The following PPP2R2B variants were observed in gnomAD, a reference collection of about 807,000 sequenced individuals.
PPP2R2B encodes protein phosphatase 2 regulatory subunit Bbeta, also known as serine/threonine-protein phosphatase 2A 55 kDa regulatory subunit B beta isoform.
Under a neutral mutation model 46.0 loss-of-function variants are expected in PPP2R2B, and 5 were observed. That is an observed-to-expected ratio of 0.11 (90% confidence interval 0.06 to 0.23). The LOEUF is 0.23. Ranked by LOEUF, PPP2R2B falls within the 10% of genes least tolerant of loss-of-function variation. The probability of loss-of-function intolerance (pLI) is 1.00; values close to 1 mark genes in which losing one functional copy is unlikely to be tolerated. For synonymous variants in PPP2R2B, 215 were observed against 206.7 expected, an observed-to-expected ratio of 1.04 and a Z score of -0.34; for missense variants, 367 against 575.0, an observed-to-expected ratio of 0.64 and a Z score of 3.70.
chr5:146,686,526 C>A (rs1778510445), intron 5 of PPP2R2B, among the ~76,000 whole-genome samples: 2 of 152,038 alleles, frequency 1.3e-5, no homozygotes, highest in Admixed American at 6.6e-5. Context: ...AAATCTAGTA[C>A]CTGGCACATA....
chr5:146,760,563 C>T (rs1754098583), intron 2 of PPP2R2B, among the ~76,000 whole-genome samples: 1 of 152,110 alleles, frequency 6.6e-6, no homozygotes, highest in Non-Finnish European at 1.5e-5. Flanking sequence ...TCAAACTAAA[C>T]AATTTAAAGC....
At position 146,820,388 on chromosome 5, in the gene PPP2R2B, A is replaced by T. The variant is rs181259568; in HGVS notation, c.70+57614T>A. On this transcript the variant is annotated intron_variant, in intron 2 of 9. Transcript: ENST00000394411. ...AAACAAAACAAAAACCATGCTAGGTAAAATGGAGCAGCCAGTTAAAGAATA... is the reference window on the plus strand; with the variant it reads ...AAACAAAACAAAAACCATGCTAGGTTAAATGGAGCAGCCAGTTAAAGAATA... Among the ~76,000 whole-genome samples the T allele has an allele frequency of 5.1e-4, 77 of 152,344 alleles. 1 individual carries two copies. The highest frequency in any genetic ancestry group is 2.8e-3 in the Admixed American group (43 of 15,298).
At chr5:147,037,287 C>CA (rs1756086394) in intron 1 of PPP2R2B, among the ~76,000 whole-genome samples, 1 of 151,986 alleles carries the variant, frequency 6.6e-6, no homozygotes, top group South Asian at 2.1e-4. Context: ...GGGCTAAAGA[C>CA]AGAGTGACTT....
rs151264496 is a variant in PPP2R2B, at chr5:146,762,638, A to G, written c.71-61496T>C. 5.2e-3 allele frequency among the ~76,000 whole-genome samples: 786 copies of G among 152,324 alleles called. 6 individuals carry two copies. Among genetic ancestry groups the G allele is most frequent in the Non-Finnish European group, 6.5e-3 (441 of 68,036 alleles). On this transcript the variant is annotated intron_variant, in intron 2 of 9. Transcript: ENST00000394411. ...ATTCTATTCATCTCCATATATCCAG[A>G]GTCAGGCACAGAACTTGAAGTACAG...
chr5:146,982,497 T>A (rs557725407), intron 1 of PPP2R2B, among the ~76,000 whole-genome samples: 1 of 152,324 alleles, frequency 6.6e-6, no homozygotes, highest in East Asian at 1.9e-4. Flanking sequence ...TTGAAAAGAA[T>A]GTGCATTCTG....
chr5:146,650,287 C>A (rs921528647), intron 6 of PPP2R2B, among the ~76,000 whole-genome samples: 1 of 152,124 alleles, frequency 6.6e-6, no homozygotes, highest in Non-Finnish European at 1.5e-5. Flanking sequence ...TAATTCGTGA[C>A]ATATAAATGC....
chr5:146,773,249 A>G (rs1561895423), intron 2 of PPP2R2B, among the ~76,000 whole-genome samples: 1 of 152,232 alleles, frequency 6.6e-6, no homozygotes, highest in South Asian at 2.1e-4. Context: ...GGAAATGGCC[A>G]TACTGCACAG....
At chr5:146,707,966 C>G (rs1193529092) in intron 2 of PPP2R2B, among the ~76,000 whole-genome samples, 1 of 152,118 alleles carries the variant, frequency 6.6e-6, no homozygotes, top group East Asian at 1.9e-4. Context: ...AATACTTGAA[C>G]AATTTTTAAC....
At position 146,584,286 on chromosome 5, in the gene PPP2R2B, G is replaced by A. The variant is rs1253032465; in HGVS notation, c.*5661C>T. ...GGGGCATGGAATATCTAAATTGGGG[G>A]ACAGTTAATCAGTCATAATAAGGTC... is the stretch of plus-strand genomic sequence containing the variant. On this transcript the variant is annotated 3_prime_UTR_variant, in exon 10 of 10. Coordinates refer to ENST00000394411, the MANE Select transcript of PPP2R2B (RefSeq NM_181675.4). 1 of 152,188 alleles carries A rather than the reference G, an allele frequency of 6.6e-6. No individual in the cohort carries two copies. The highest frequency in any genetic ancestry group is 1.9e-4 in the East Asian group (1 of 5,200). The allele number at this position is 152,188 out of a possible 1,614,324, so 9.4% of individuals were successfully genotyped here.
At chr5:147,066,049 C>A (rs371011329) in intron 2 of PPP2R2B, among the ~76,000 whole-genome samples, 1 of 152,086 alleles carries the variant, frequency 6.6e-6, no homozygotes, top group Non-Finnish European at 1.5e-5. Context: ...GACTGACTCC[C>A]GAGTCAGGTT....
At chr5:146,736,056 G>A (rs1342842778) in intron 2 of PPP2R2B, among the ~76,000 whole-genome samples, 3 of 152,114 alleles carry the variant, frequency 2.0e-5, no homozygotes, top group Non-Finnish European at 4.4e-5. Context: ...ATTGAATCAT[G>A]GGAGCAGTTT....
chr5:146,725,747 C>T (rs1751825790), intron 2 of PPP2R2B, among the ~76,000 whole-genome samples: 2 of 152,136 alleles, frequency 1.3e-5, no homozygotes, highest in African/African-American at 4.8e-5. Flanking sequence ...AGTTATGTGA[C>T]CTTCCTAAGA....
At chr5:147,081,213 A>G (rs1241655716) in intron 1 of PPP2R2B, 1 of 1,535,608 alleles carries the variant, frequency 6.5e-7, no homozygotes, top group Non-Finnish European at 8.7e-7. Flanking sequence ...AAGAAAAGAA[A>G]TATATAGCAG....
At chr5:146,697,474 T>C (rs1396293861) in intron 4 of PPP2R2B, among the ~76,000 whole-genome samples, 1 of 152,228 alleles carries the variant, frequency 6.6e-6, no homozygotes, top group Non-Finnish European at 1.5e-5. Flanking sequence ...AAACCCTTTC[T>C]TGATCAGTTT....
At chr5:147,081,474 C>A, upstream of PPP2R2B, 1 of 607,150 alleles carries the variant, frequency 1.6e-6, no homozygotes, top group Non-Finnish European at 2.9e-6. Flanking sequence ...TGTGACTGGC[C>A]CTTTTCACGG....
chr5:146,602,338 T>C (rs1771864297), intron 7 of PPP2R2B, among the ~76,000 whole-genome samples: 1 of 152,246 alleles, frequency 6.6e-6, no homozygotes, highest in Non-Finnish European at 1.5e-5. Flanking sequence ...GTTCAATGAA[T>C]ATTTGTTGCT....
chr5:146,669,487 C>T (rs1203365387), intron 5 of PPP2R2B, among the ~76,000 whole-genome samples: 1 of 151,544 alleles, frequency 6.6e-6, no homozygotes, highest in Non-Finnish European at 1.5e-5. Context: ...TTCTTTATAT[C>T]CTATATATTT....
chr5:146,605,754 C>A (rs1411047897), intron 7 of PPP2R2B, among the ~76,000 whole-genome samples: 1 of 152,254 alleles, frequency 6.6e-6, no homozygotes, highest in African/African-American at 2.4e-5. Flanking sequence ...CTCCCCACTC[C>A]ATTTTATTTT....
At chr5:146,725,839 T>C (rs1213970852) in intron 2 of PPP2R2B, among the ~76,000 whole-genome samples, 3 of 152,150 alleles carry the variant, frequency 2.0e-5, no homozygotes, top group African/African-American at 7.2e-5. Flanking sequence ...CTCACTAGAC[T>C]CTAAAAGGGC....
Sources: gnomAD v4.1 joint callset for allele counts (sites outside exome capture counted in the v4.1 genomes callset) on GRCh38, gnomAD v4.1.1 for gene constraint, MANE v1.5 for transcripts, NCBI Gene and HGNC (gene_info 2026-07-23, HGNC 2026-07-21) for gene names.